RNF111: variants seen among roughly 807,000 people sequenced by gnomAD.
The protein encoded by RNF111 is ring finger protein 111, also known as E3 ubiquitin-protein ligase Arkadia.
In RNF111, 17 loss-of-function variants were observed where a neutral mutation model predicts 95.1. That is an observed-to-expected ratio of 0.18 (90% CI 0.12 to 0.27). The LOEUF (loss-of-function observed/expected upper bound fraction) is 0.27, where lower values mean the gene tolerates loss of function less well. Among genes scored for constraint, RNF111 ranks in the 10% least tolerant of loss-of-function variants. RNF111 has a pLI of 1.00. For synonymous variants in RNF111, 440 were observed against 414.8 expected (o/e 1.06, Z -0.74); for missense variants, 1,189 against 1,210.4 (o/e 0.98, Z 0.26).
chr15:59,078,433 C>T lies in RNF111; in HGVS notation c.1948+2218C>T, dbSNP rs537991183. Reference sequence around the variant, plus strand: ...GTATGAGCATGTAGTTCCTGCTCTTCAGGAGGCTGAGGCATGGGGATTGCT... The same window carrying T: ...GTATGAGCATGTAGTTCCTGCTCTTTAGGAGGCTGAGGCATGGGGATTGCT... On this transcript the variant is annotated intron_variant, in intron 7 of 13. Transcript: ENST00000348370. Among the ~76,000 whole-genome samples the T allele has an allele frequency of 3.3e-5, 5 of 151,798 alleles. No homozygotes were observed. The East Asian group carries it at 9.7e-4, about 29-fold the overall frequency.
In RNF111 at chr15:59,058,343, T is replaced by G; in HGVS notation, c.1172-13T>G. On this transcript the variant is annotated splice_polypyrimidine_tract_variant and intron_variant, in intron 4 of 13. Coordinates refer to ENST00000348370, the MANE Select transcript of RNF111 (RefSeq NM_017610.8). ...TGTTTTGAAATGCTAAGTTGACATT[T>G]TGTATTTTGTAGAACCTACTGTAGT... is the stretch of plus-strand genomic sequence containing the variant. The G allele has an allele frequency of 6.2e-7, 1 of 1,609,838 alleles. No individual in the cohort carries two copies. The highest frequency in any genetic ancestry group is 8.5e-7 in the Non-Finnish European group (1 of 1,176,170).
At chr15:59,001,335 C>T (rs1451018790) in intron 1 of RNF111, among the ~76,000 whole-genome samples, 3 of 151,960 alleles carry the variant, frequency 2.0e-5, no homozygotes, top group African/African-American at 7.3e-5. Flanking sequence ...CATTTTTTAC[C>T]TCTCTTCTCT....
intron 3 of RNF111, among the ~76,000 whole-genome samples, chr15:59,054,228 C>T (rs1160461170): frequency 2.0e-5 from 3 of 152,192 alleles, no homozygotes; most frequent in African/African-American, 4.8e-5. Context: ...TGAGCCACCA[C>T]GCCTGGCCTG....
At chr15:59,079,674 T>C (rs2078678834) in intron 7 of RNF111, among the ~76,000 whole-genome samples, 1 of 151,690 alleles carries the variant, frequency 6.6e-6, no homozygotes, top group South Asian at 2.1e-4. Context: ...TTTTTTTACA[T>C]GTCAAGTAGA....
chr15:58,994,416 A>G (rs191627824), intron 1 of RNF111, among the ~76,000 whole-genome samples: 1 of 149,410 alleles, frequency 6.7e-6, no homozygotes, highest in Non-Finnish European at 1.5e-5. Context: ...TTGAATACTC[A>G]TTATTCAGAT....
chr15:58,996,649 C>CTTTTTTTTTTTTTTTT (rs60350601), intron 1 of RNF111, among the ~76,000 whole-genome samples: 12 of 100,806 alleles, frequency 1.2e-4, no homozygotes, highest in African/African-American at 2.7e-4. Context: ...TCAGTACTTT[C>CTTTTTTTTTTTTTTTT]TTTTTTTTTT....
Position 59,052,349 on chromosome 15 carries a change from C to A in RNF111, c.925C>A (p.Pro309Thr), listed in dbSNP as rs1006297250. ...DVVVIEASST[P>T]QVTANEEINV... is the part of the protein sequence containing the mutation. The stretch of plus-strand genomic sequence containing the variant: ...TGTGGTGATAGAAGCTTCCTCCACT[C>A]CCCAGGTTACTGCCAATGAAGAAAT... The change falls in exon 3 of 14, where the codon CCC (proline) becomes ACC (threonine). Residue 309 changes from proline to threonine, a missense_variant. Around this residue, in one of 2 missense-constraint regions of RNF111, gnomAD observed 1,024 missense variants for 925.9 expected, o/e 1.11. Transcript: ENST00000348370. 6.2e-6 allele frequency: 10 copies of A among 1,606,154 alleles called. No individual in the cohort carries two copies. Among genetic ancestry groups the A allele is most frequent in the Non-Finnish European group, 7.6e-6 (9 of 1,176,682 alleles).
At chr15:59,004,131 G>GT (rs1276137195) in intron 1 of RNF111, 6 of 1,210,034 alleles carry the variant, frequency 5.0e-6, no homozygotes, top group Admixed American at 3.1e-5. Flanking sequence ...GTGAATGCAT[G>GT]TTTTTTCCCT....
chr15:58,996,886 TC>T lies in RNF111; in HGVS notation c.-20+8820del, dbSNP rs1287954538. ...AGACTTACAATGAAAAACAGTGGTT[TC>T]CTATGCAACTCTCCTAATCTCCTAG... On this transcript the variant is annotated intron_variant, in intron 1 of 13. Coordinates refer to ENST00000348370, the MANE Select transcript of RNF111 (RefSeq NM_017610.8). Among the ~76,000 whole-genome samples the T allele has an allele frequency of 3.3e-5, 5 of 152,248 alleles. No homozygotes were observed. The East Asian group carries it at 9.6e-4, about 29-fold the overall frequency.
intron 1 of RNF111, among the ~76,000 whole-genome samples, chr15:59,016,763 A>G (rs1189065532): frequency 6.6e-6 from 1 of 152,142 alleles, no homozygotes; most frequent in African/African-American, 2.4e-5. Flanking sequence ...CCTATTAGGA[A>G]CTAGGCCATG....
intron 2 of RNF111, among the ~76,000 whole-genome samples, chr15:59,034,260 A>G (rs1273201807): frequency 1.3e-5 from 2 of 152,208 alleles, no homozygotes; most frequent in Admixed American, 6.5e-5. Flanking sequence ...ATTGAGCAAC[A>G]TTGTGCTTGC....
In RNF111 at chr15:59,084,177, C is replaced by T; in HGVS notation, c.2346C>T (p.Asn782=). 6.2e-7 allele frequency: 1 copy of T among 1,605,888 alleles called. No individual in the cohort carries two copies. Among genetic ancestry groups the T allele is most frequent in the Non-Finnish European group, 8.5e-7 (1 of 1,176,324 alleles). ...PPPHPHRMHP[N]YGHGHHIHVP... is the part of the protein sequence containing the mutation. ...CCCATCCACATAGGATGCACCCAAA[C>T]TATGGTCATGGGCATCATATTCATG... The change falls in exon 9 of 14, where the codon AAC becomes AAT. Residue 782 remains asparagine (N), a synonymous_variant. Transcript: ENST00000348370.
chr15:58,990,647 G>T (rs2038772914), intron 1 of RNF111, among the ~76,000 whole-genome samples: 1 of 152,124 alleles, frequency 6.6e-6, no homozygotes, highest in African/African-American at 2.4e-5. Context: ...GAGCGAGACT[G>T]TTTCTCAAAA....
At chr15:59,085,969 A>G (rs1337951029) in intron 10 of RNF111, among the ~76,000 whole-genome samples, 184 bp downstream of exon 10, 1 of 152,222 alleles carries the variant, frequency 6.6e-6, no homozygotes, top group African/African-American at 2.4e-5. Context: ...AATTTGCATC[A>G]TAACATGTAC....
intron 5 of RNF111, among the ~76,000 whole-genome samples, chr15:59,064,119 G>A (rs1397477498): frequency 6.6e-6 from 1 of 152,032 alleles, no homozygotes; most frequent in Non-Finnish European, 1.5e-5. Context: ...TTTTGATCAT[G>A]GTCAGTTCCT....
At chr15:59,001,832 G>C (rs1405173498) in intron 1 of RNF111, among the ~76,000 whole-genome samples, 1 of 152,092 alleles carries the variant, frequency 6.6e-6, no homozygotes, top group Non-Finnish European at 1.5e-5. Context: ...TACAGTCCAA[G>C]ACCCCCAGTA....
At chr15:59,068,143 C>G (rs2042746597) in intron 6 of RNF111, among the ~76,000 whole-genome samples, 1 of 150,664 alleles carries the variant, frequency 6.6e-6, no homozygotes, top group South Asian at 2.1e-4. Context: ...TTGCTTGAAC[C>G]CGGGAGGCTT....
chr15:59,060,577 G>T (rs1252486707), intron 5 of RNF111, among the ~76,000 whole-genome samples: 1 of 152,194 alleles, frequency 6.6e-6, no homozygotes, highest in African/African-American at 2.4e-5. Flanking sequence ...TGAGGCTACA[G>T]TGATCCTCGA....
intron 5 of RNF111, 61 bp from the exon 6 acceptor site, chr15:59,066,703 A>G (rs2042672251): frequency 1.5e-6 from 2 of 1,342,464 alleles, no homozygotes; most frequent in South Asian, 1.3e-5. Flanking sequence ...CCCCATACCT[A>G]TTTTTTTACA....
Sources: gnomAD v4.1 joint callset for allele counts (sites outside exome capture counted in the v4.1 genomes callset) on GRCh38, gnomAD v4.1.1 for gene constraint, gnomAD v4.1.1 regional missense constraint, MANE v1.5 for transcripts, NCBI Gene and HGNC (gene_info 2026-07-23, HGNC 2026-07-21) for gene names.